The following SYCP2 variants were observed in gnomAD, a reference collection of about 807,000 sequenced individuals.
SYCP2 encodes synaptonemal complex protein 2, also known as synaptonemal complex lateral element protein.
Under a neutral mutation model 211.3 loss-of-function variants are expected in SYCP2, and 55 were observed. The ratio of observed to expected loss-of-function variants is 0.26; its 90% CI spans 0.21 to 0.33. The LOEUF (loss-of-function observed/expected upper bound fraction) is 0.33. Ranked by LOEUF, SYCP2 falls within the 10% of genes least tolerant of loss-of-function variation. The pLI, the probability that SYCP2 is intolerant of heterozygous loss-of-function variation, is 1.00. For missense variants in SYCP2, 1,731 were observed against 1,752.0 expected (o/e 0.99, Z 0.21); for synonymous variants, 570 against 555.2 (o/e 1.03, Z -0.37).
intron 24 of SYCP2, among the ~76,000 whole-genome samples, chr20:59,891,159 G>T (rs1476435877): frequency 1.3e-5 from 2 of 151,848 alleles, no homozygotes; most frequent in Non-Finnish European, 2.9e-5. Flanking sequence ...TAGAAATTTG[G>T]CTTCCCAGGT....
At chr20:59,932,686 A>C (rs964943993) in intron 1 of SYCP2, among the ~76,000 whole-genome samples, 1 of 152,002 alleles carries the variant, frequency 6.6e-6, no homozygotes, top group Non-Finnish European at 1.5e-5. Context: ...GAAAAAAAAC[A>C]ACAAAAAAAA....
At chr20:59,887,031 T>C (rs1328129369) in intron 24 of SYCP2, among the ~76,000 whole-genome samples, 197 bp from the exon 25 acceptor site, 1 of 152,184 alleles carries the variant, frequency 6.6e-6, no homozygotes, top group Non-Finnish European at 1.5e-5. Flanking sequence ...CTTTAAGTTC[T>C]AGGGTACATG....
rs116783432 is a variant in SYCP2 at position 59,869,072 on chromosome 20, A to G, written c.3742-147T>C. ...TTCTATCCCTTCCTTTTCATCTCTA[A>G]TATTTACCATGTGTTAACCTTGATT... On this transcript the variant is annotated intron_variant, in intron 36 of 44. Transcript: ENST00000357552. 498 of 576,520 alleles carry G rather than the reference A, an allele frequency of 8.6e-4. 5 individuals are homozygous for G. In the African/African-American group the frequency reaches 9.1e-3, roughly 11 times the overall value. 35.7% of individuals were successfully genotyped at this position (576,520 alleles called of 1,614,324 possible).
chr20:59,865,522 A>G (rs2059314428), intron 43 of SYCP2, 51 bp downstream of exon 43: 2 of 1,575,550 alleles, frequency 1.3e-6, no homozygotes, highest in Non-Finnish European at 8.7e-7. Flanking sequence ...ACATTAACAA[A>G]TTCTTTTTGT....
chr20:59,921,846 A>T (rs758799189), intron 3 of SYCP2, among the ~76,000 whole-genome samples: 66 of 151,564 alleles, frequency 4.4e-4, no homozygotes, highest in Non-Finnish European at 7.4e-4. Context: ...AAAGAAAAAA[A>T]TACATAAAGA....
intron 17 of SYCP2, 45 bp from the exon 18 acceptor site, chr20:59,900,329 C>A (rs771244059): frequency 9.4e-5 from 140 of 1,491,170 alleles, no homozygotes; most frequent in Non-Finnish European, 1.2e-4. Context: ...CTGCAAACCA[C>A]AGAAAGTAAT....
At chr20:59,905,477 A>T (rs1460222423) in intron 15 of SYCP2, among the ~76,000 whole-genome samples, 11 of 152,102 alleles carry the variant, frequency 7.2e-5, no homozygotes, top group African/African-American at 1.4e-4. Context: ...ATCTTTTTTT[A>T]AAAAAGTGTT....
At chr20:59,901,981 A>G (rs2060124191) in intron 15 of SYCP2, among the ~76,000 whole-genome samples, 171 bp from the exon 16 acceptor site, 1 of 152,120 alleles carries the variant, frequency 6.6e-6, no homozygotes, top group Non-Finnish European at 1.5e-5. Flanking sequence ...AAATCAATCA[A>G]GTCAATTTAG....
At position 59,864,152 on chromosome 20, in the gene SYCP2, C is replaced by T. The variant is rs528626217; in HGVS notation, c.*159G>A. On this transcript the variant is annotated 3_prime_UTR_variant, in exon 45 of 45. Transcript: ENST00000357552. The stretch of plus-strand genomic sequence containing the variant: ...GACTCATGTTATAGTGGTTCCCTCT[C>T]ATCCATTAAAAGACATTTTTTTTTA... 1.2e-4 allele frequency: 57 copies of T among 479,608 alleles called. No individual in the cohort carries two copies. The highest frequency in any genetic ancestry group is 2.0e-4 in the Non-Finnish European group (54 of 271,190). The allele number at this position is 479,608 out of a possible 1,614,324, so 29.7% of individuals were successfully genotyped here.
At chr20:59,878,109 GAAC>G (rs1365496861) in intron 31 of SYCP2, 64 bp from the exon 32 acceptor site, 1 of 1,039,966 alleles carries the variant, frequency 9.6e-7, no homozygotes, top group Non-Finnish European at 1.5e-6. Context: ...AAATTTATTA[GAAC>G]ATCATTTCAG....
intron 7 of SYCP2, among the ~76,000 whole-genome samples, chr20:59,918,285 T>A (rs1451474529): frequency 6.6e-6 from 1 of 152,204 alleles, no homozygotes; most frequent in African/African-American, 2.4e-5. Context: ...GCTTGCATCA[T>A]GAACTTAACA....
At chr20:59,893,017 A>T in intron 22 of SYCP2, 125 bp downstream of exon 22, 1 of 727,576 alleles carries the variant, frequency 1.4e-6, no homozygotes. Flanking sequence ...TTGTGCTGTC[A>T]TAACACTTGA....
intron 2 of SYCP2, among the ~76,000 whole-genome samples, chr20:59,931,022 TGTAA>T (rs1387043685): frequency 1.3e-5 from 2 of 152,228 alleles, no homozygotes; most frequent in Non-Finnish European, 2.9e-5. Flanking sequence ...TTATGAATTA[TGTAA>T]GTATTTTATC....
chr20:59,881,401 A>C (rs1600843255), intron 29 of SYCP2, 36 bp downstream of exon 29: 2 of 1,133,074 alleles, frequency 1.8e-6, no homozygotes, highest in South Asian at 3.0e-5. Context: ...GAGAAAAAAA[A>C]AGATCAGAAT....
chr20:59,878,296 T>G (rs1292017154), intron 31 of SYCP2, among the ~76,000 whole-genome samples: 1 of 152,072 alleles, frequency 6.6e-6, no homozygotes, highest in Non-Finnish European at 1.5e-5. Flanking sequence ...TTTGGAAGCT[T>G]TTCCTTTCCC....
intron 24 of SYCP2, among the ~76,000 whole-genome samples, chr20:59,887,323 G>T (rs530094942): frequency 2.0e-5 from 3 of 152,238 alleles, no homozygotes; most frequent in South Asian, 2.1e-4. Flanking sequence ...CAAAGGACAT[G>T]AACTCATCCT....
intron 14 of SYCP2, among the ~76,000 whole-genome samples, chr20:59,908,426 T>C (rs2060252546): frequency 6.6e-6 from 1 of 152,142 alleles, no homozygotes; most frequent in South Asian, 2.1e-4. Context: ...CTTTTTCCCT[T>C]ACCTCAAAAC....
At chr20:59,906,796 G>C (rs1004807535) in intron 15 of SYCP2, among the ~76,000 whole-genome samples, 1 of 151,680 alleles carries the variant, frequency 6.6e-6, no homozygotes, top group African/African-American at 2.4e-5. Context: ...GTGGAATCTA[G>C]GATACCTAAG....
chr20:59,870,765 T>G (rs969207238), intron 35 of SYCP2, among the ~76,000 whole-genome samples: 1 of 151,732 alleles, frequency 6.6e-6, no homozygotes, highest in South Asian at 2.1e-4. Context: ...AGCACAGAGA[T>G]AGATAAACAG....
Sources: gnomAD v4.1 joint callset for allele counts (sites outside exome capture counted in the v4.1 genomes callset) on GRCh38, gnomAD v4.1.1 for gene constraint, MANE v1.5 for transcripts, NCBI Gene and HGNC (gene_info 2026-07-23, HGNC 2026-07-21) for gene names.